The following GRM4 variants were observed in gnomAD, a reference collection of about 807,000 sequenced individuals.
GRM4 encodes glutamate metabotropic receptor 4, also known as metabotropic glutamate receptor 4.
Under a neutral mutation model 81.7 loss-of-function variants are expected in GRM4, and 28 were observed. The observed-to-expected ratio is 0.34, with a 90% confidence interval of 0.25 to 0.47. GRM4 has a LOEUF of 0.47. Among genes scored for constraint, GRM4 ranks in the 20% least tolerant of loss-of-function variants. The pLI is 1.00. For synonymous variants in GRM4, 488 were observed against 528.8 expected (o/e 0.92, Z 1.06); for missense variants, 948 against 1,290.0 (o/e 0.73, Z 4.06).
chr6:34,144,408 G>A (rs1438541969), intron 1 of GRM4, among the ~76,000 whole-genome samples: 2 of 152,218 alleles, frequency 1.3e-5, no homozygotes, highest in African/African-American at 2.4e-5. Flanking sequence ...CCGCTCGCCC[G>A]GCGGCCGCGT....
intron 2 of GRM4, among the ~76,000 whole-genome samples, chr6:34,107,669 G>A (rs1412638250): frequency 6.6e-6 from 1 of 152,166 alleles, no homozygotes; most frequent in East Asian, 1.9e-4. Context: ...AGAGGCAGCA[G>A]GTACAAAGGC....
Position 34,030,355 on chromosome 6 carries a change from C to T in GRM4, c.2443-1989G>A, listed in dbSNP as rs151028620. ...AGGGGTTGTGTCCCAGGTAAGACAC[C>T]CATCTTAGACCCTTTGCCTGCTCCT... On this transcript the variant is annotated intron_variant, in intron 9 of 10. Coordinates refer to ENST00000538487, the MANE Select transcript of GRM4 (RefSeq NM_000841.4). Among the ~76,000 whole-genome samples, 594 of 152,256 alleles carry T rather than the reference C, an allele frequency of 3.9e-3. 3 individuals carry two copies. The highest frequency in any genetic ancestry group is 5.5e-3 in the Non-Finnish European group (377 of 68,028).
At chr6:34,140,951 C>T (rs1170999624) in intron 1 of GRM4, among the ~76,000 whole-genome samples, 4 of 152,208 alleles carry the variant, frequency 2.6e-5, no homozygotes, top group East Asian at 1.9e-4. Context: ...TCGGCTGCAC[C>T]GAGGTCAGGC....
chr6:34,139,178 TCGA>T (rs1770581125), intron 1 of GRM4, among the ~76,000 whole-genome samples: 1 of 152,164 alleles, frequency 6.6e-6, no homozygotes, highest in South Asian at 2.1e-4. Context: ...CTCACCAGCC[TCGA>T]CCAGGAAGCC....
rs756043665 is a variant in GRM4, at chr6:34,062,046, G to A, written c.737-18C>T. The A allele has an allele frequency of 1.1e-5, 18 of 1,598,628 alleles. No homozygotes were observed. In the South Asian group the frequency reaches 1.4e-4, roughly 13 times the overall value. On this transcript the variant is annotated intron_variant, in intron 3 of 10. Coordinates refer to ENST00000538487, the MANE Select transcript of GRM4 (RefSeq NM_000841.4). ...CACGCCCCCTGCAGGAGGGGCACCA[G>A]TTAGTTGGGGTGGGCAGGGGAACCT...
intron 6 of GRM4, among the ~76,000 whole-genome samples, chr6:34,044,675 C>CACACACACACACAG (rs1554181770): frequency 7.1e-6 from 1 of 140,778 alleles, no homozygotes; most frequent in African/African-American, 2.8e-5. Context: ...TACACAGACA[C>CACACACACACACAG]ACACACACAG....
chr6:34,137,009 A>G (rs1195319047), intron 1 of GRM4, among the ~76,000 whole-genome samples: 1 of 152,006 alleles, frequency 6.6e-6, no homozygotes, highest in Non-Finnish European at 1.5e-5. Flanking sequence ...CAGAGGGAAG[A>G]GCTGGGGGCA....
At chr6:34,147,610 G>A (rs1386779310), upstream of GRM4, among the ~76,000 whole-genome samples, 1 of 152,190 alleles carries the variant, frequency 6.6e-6, no homozygotes, top group Non-Finnish European at 1.5e-5. Context: ...ATCGTTCACT[G>A]CCAAGAGGCC....
chr6:34,075,752 TTA>T (rs1767279276), intron 3 of GRM4, among the ~76,000 whole-genome samples: 2 of 152,232 alleles, frequency 1.3e-5, no homozygotes, highest in Admixed American at 1.3e-4. Flanking sequence ...TCCTGGCACA[TTA>T]GTGCTCAGGA....
chr6:34,155,149 G>A (rs1246984564), exon 1 of GRM4: 8 of 1,534,786 alleles, frequency 5.2e-6, no homozygotes, highest in Non-Finnish European at 8.7e-7. Flanking sequence ...CAGCTGGGCG[G>A]CCGCCCCCTC....
intron 3 of GRM4, among the ~76,000 whole-genome samples, chr6:34,072,716 T>A: frequency 1.4e-5 from 1 of 70,726 alleles, no homozygotes; most frequent in African/African-American, 6.1e-5. Context: ...CACACACATA[T>A]CACCACAGAT....
Position 34,092,788 on chromosome 6 carries a change from C to T in GRM4, c.520-689G>A, listed in dbSNP as rs943682476. On this transcript the variant is annotated intron_variant, in intron 2 of 10. Transcript: ENST00000538487. This position sits in a 1 kb window ranked among gnomAD's most constrained non-coding sequence, Gnocchi z 6.8. ...CCGACCCGGGGCCCTGCCCCAGCCC[C>T]GGGGCTTTCCAGTCACGGGGCATCT... Among the ~76,000 whole-genome samples, 12 of 152,026 alleles carry T rather than the reference C, an allele frequency of 7.9e-5. No homozygotes were observed. Among genetic ancestry groups the T allele is most frequent in the Non-Finnish European group, 8.8e-5 (6 of 67,968 alleles).
intron 6 of GRM4, among the ~76,000 whole-genome samples, chr6:34,050,195 C>A (rs148036662): frequency 6.6e-6 from 1 of 152,172 alleles, no homozygotes; most frequent in Non-Finnish European, 1.5e-5. Flanking sequence ...ACTTGCTGAG[C>A]GCTGTGCCTG....
intron 2 of GRM4, among the ~76,000 whole-genome samples, chr6:34,104,155 TGATGACCTTA>T (rs1769000178): frequency 6.6e-6 from 1 of 152,208 alleles, no homozygotes; most frequent in Non-Finnish European, 1.5e-5. Context: ...ACACAGGCAA[TGATGACCTTA>T]GGTCACACCC....
chr6:34,037,901 G>A (rs1764799448), intron 8 of GRM4, among the ~76,000 whole-genome samples: 1 of 151,972 alleles, frequency 6.6e-6, no homozygotes, highest in South Asian at 2.1e-4. Flanking sequence ...AAGGGGTAAG[G>A]TGGGTAAGTA....
At chr6:34,116,118 G>A (rs1021925076) in intron 2 of GRM4, among the ~76,000 whole-genome samples, 4 of 152,250 alleles carry the variant, frequency 2.6e-5, no homozygotes, top group East Asian at 1.9e-4. Context: ...AACAACCCCC[G>A]GACTAGAATA....
At chr6:34,045,575 C>T (rs1376336033) in intron 6 of GRM4, among the ~76,000 whole-genome samples, 1 of 152,230 alleles carries the variant, frequency 6.6e-6, no homozygotes, top group East Asian at 1.9e-4. Flanking sequence ...GCCCCTCCTC[C>T]ATTTAGCCGC....
intron 1 of GRM4, among the ~76,000 whole-genome samples, chr6:34,144,499 G>A (rs1207614265): frequency 6.6e-6 from 1 of 152,234 alleles, no homozygotes; most frequent in Non-Finnish European, 1.5e-5. Context: ...TCCTGGGGCT[G>A]CAGGGAGACC....
chr6:34,095,969 C>T (rs1467324917), intron 2 of GRM4, among the ~76,000 whole-genome samples: 1 of 152,188 alleles, frequency 6.6e-6, no homozygotes, highest in Non-Finnish European at 1.5e-5. Flanking sequence ...CCAGCCCGAG[C>T]AGGAGGGGGA....
Sources: gnomAD v4.1 joint callset for allele counts (sites outside exome capture counted in the v4.1 genomes callset) on GRCh38, gnomAD v4.1.1 for gene constraint, Gnocchi (gnomAD v3.1) non-coding constraint, MANE v1.5 for transcripts, NCBI Gene and HGNC (gene_info 2026-07-23, HGNC 2026-07-21) for gene names.